Variants in CCNB1IP1 observed in about 807,000 individuals in gnomAD.
CCNB1IP1 encodes cyclin B1 interacting protein 1, also known as E3 ubiquitin-protein ligase CCNB1IP1.
In CCNB1IP1, 14 loss-of-function variants were observed where a neutral mutation model predicts 25.6. That is an observed-to-expected ratio of 0.55 (90% CI 0.36 to 0.85). The LOEUF is 0.85. Among genes scored for constraint, CCNB1IP1 ranks in the 40% least tolerant of loss-of-function variants. The pLI, the probability that CCNB1IP1 is intolerant of heterozygous loss-of-function variation, is 0.01. For synonymous variants in CCNB1IP1, 119 were observed against 116.1 expected (o/e 1.02, Z -0.16); for missense variants, 278 against 342.4 (o/e 0.81, Z 1.48).
At chr14:20,325,386 A>C (rs1335874033) in intron 4 of CCNB1IP1, among the ~76,000 whole-genome samples, 153 bp downstream of exon 4, 3 of 146,630 alleles carry the variant, frequency 2.0e-5, no homozygotes, top group African/African-American at 7.7e-5. Context: ...CCGCCACTGC[A>C]CTCCAGCCTG....
At chr14:20,317,866 C>T (rs776102601) in intron 4 of CCNB1IP1, 1 of 152,274 alleles carries the variant, frequency 6.6e-6, no homozygotes, top group Non-Finnish European at 1.5e-5. Flanking sequence ...TTCCAGGATT[C>T]TCTGCGAGCG....
chr14:20,325,213 A>G (rs1437332187), intron 4 of CCNB1IP1, among the ~76,000 whole-genome samples: 2 of 150,780 alleles, frequency 1.3e-5, no homozygotes, highest in African/African-American at 4.8e-5. Context: ...CGAGGTCAGG[A>G]GATCGAGACC....
Position 20,311,465 on chromosome 14 carries a change from G to T in CCNB1IP1, c.*85C>A. 8.8e-7 allele frequency: 1 copy of T among 1,136,072 alleles called. No homozygotes were observed. Among genetic ancestry groups the T allele is most frequent in the Non-Finnish European group, 1.3e-6 (1 of 753,202 alleles). The allele number at this position is 1,136,072 out of a possible 1,614,324, so 70.4% of individuals were successfully genotyped here. On this transcript the variant is annotated 3_prime_UTR_variant, in exon 7 of 7. Transcript: ENST00000358932. ...AGTGGCATGATCTTAGATCACTAAA[G>T]CCTCAGACTCCTGGGCTCAAGTGAT...
Position 20,317,053 on chromosome 14 carries a change from G to C in CCNB1IP1, c.-37-493C>G, listed in dbSNP as rs560481134. ...GAATCCGGGAGGCAGAGGTTGCAGT[G>C]AAGTGAGATCGCATCACTGCACTCC... is the stretch of plus-strand genomic sequence containing the variant. On this transcript the variant is annotated intron_variant, in intron 4 of 6. Coordinates refer to ENST00000358932, the MANE Select transcript of CCNB1IP1 (RefSeq NM_021178.5). Among the ~76,000 whole-genome samples, 295 of 152,216 alleles carry C rather than the reference G, an allele frequency of 1.9e-3. 1 individual carries two copies. Among genetic ancestry groups the C allele is most frequent in the African/African-American group, 6.7e-3 (277 of 41,512 alleles).
In CCNB1IP1 at chr14:20,313,621, T is replaced by G; in HGVS notation, c.478A>C (p.Ile160Leu). Residue 160 changes from isoleucine to leucine, a missense_variant, in exon 6 of 7, where the codon ATC (isoleucine) becomes CTC (leucine). Transcript: ENST00000358932. ...LEEYKKKFSD[I>L]SEKLMERNRQ... Reference sequence around the variant, plus strand: ...TTGCGCTCCATAAGTTTCTCAGAGATGTCACTGAACTTTTTCTTGTATTCT... The same window carrying G: ...TTGCGCTCCATAAGTTTCTCAGAGAGGTCACTGAACTTTTTCTTGTATTCT... The G allele has an allele frequency of 3.1e-6, 5 of 1,614,216 alleles. No homozygotes were observed. Among genetic ancestry groups the G allele is most frequent in the Non-Finnish European group, 4.2e-6 (5 of 1,180,026 alleles).
Position 20,316,516 on chromosome 14 carries a change from A to G in CCNB1IP1, c.8T>C (p.Leu3Ser). 1 of 1,606,180 alleles carries G rather than the reference A, an allele frequency of 6.2e-7. No individual in the cohort carries two copies. The highest frequency in any genetic ancestry group is 2.2e-5 in the East Asian group (1 of 44,866). Residue 3 changes from leucine to serine, a missense_variant, in exon 5 of 7, where the codon TTG (leucine) becomes TCG (serine). Transcript: ENST00000358932. MS[L>S]CEDMLLCNYR... ...ATTACAAAGCAGCATGTCTTCACACAAAGACATAATAGGATAGTGAGGTCT... is the reference window on the plus strand; with the variant it reads ...ATTACAAAGCAGCATGTCTTCACACGAAGACATAATAGGATAGTGAGGTCT...
chr14:20,315,695 C>T, intron 5 of CCNB1IP1: 1 of 1,222,862 alleles, frequency 8.2e-7, no homozygotes, highest in Non-Finnish European at 1.1e-6. Context: ...ATTTTAATAA[C>T]TTGGAAATAA....
At chr14:20,325,404 G>T (rs1338875496) in intron 4 of CCNB1IP1, 135 bp downstream of exon 4, 2 of 133,768 alleles carry the variant, frequency 1.5e-5, no homozygotes, top group African/African-American at 6.0e-5. Flanking sequence ...CTGGGCGACA[G>T]AGCAAGACTC....
intron 4 of CCNB1IP1, among the ~76,000 whole-genome samples, chr14:20,322,901 G>C (rs1244943335): frequency 6.6e-6 from 1 of 152,052 alleles, no homozygotes; most frequent in African/African-American, 2.4e-5. Flanking sequence ...GGGATTATAG[G>C]TGTGAGCCAC....
intron 6 of CCNB1IP1, among the ~76,000 whole-genome samples, chr14:20,312,243 A>G (rs966500598): frequency 7.9e-5 from 12 of 152,228 alleles, no homozygotes; most frequent in African/African-American, 2.9e-4. Flanking sequence ...ACAAAAAAAT[A>G]AGTATATCTA....
chr14:20,324,667 A>T (rs897734673), intron 4 of CCNB1IP1, among the ~76,000 whole-genome samples: 5 of 152,192 alleles, frequency 3.3e-5, no homozygotes, highest in Non-Finnish European at 1.5e-5. Flanking sequence ...CCTGAGTCAA[A>T]TACTATTGCC....
Position 20,313,352 on chromosome 14 carries a change from C to T in CCNB1IP1, c.631+116G>A, listed in dbSNP as rs577025680. 5.6e-5 allele frequency: 42 copies of T among 753,824 alleles called. No individual in the cohort carries two copies. In the South Asian group the frequency reaches 1.1e-3, roughly 19 times the overall value. 46.7% of individuals were successfully genotyped at this position (753,824 alleles called of 1,614,324 possible). A position where few individuals can be genotyped will look rare whatever the true frequency, so the allele number is the denominator to read the frequency against. Reference sequence around the variant, plus strand: ...CATGGGTGAAGAATTCAGAGCCTACCACAACTCAATGCTTGTCTTATCCTT... The same window carrying T: ...CATGGGTGAAGAATTCAGAGCCTACTACAACTCAATGCTTGTCTTATCCTT... On this transcript the variant is annotated intron_variant, in intron 6 of 6. Coordinates refer to ENST00000358932, the MANE Select transcript of CCNB1IP1 (RefSeq NM_021178.5).
intron 2 of CCNB1IP1, among the ~76,000 whole-genome samples, chr14:20,327,130 C>T (rs1883101045): frequency 6.6e-6 from 1 of 151,990 alleles, no homozygotes; most frequent in South Asian, 2.1e-4. Context: ...AGCAGGACCC[C>T]TACACAAGCT....
intron 4 of CCNB1IP1, among the ~76,000 whole-genome samples, chr14:20,321,725 C>G (rs548054996): frequency 6.6e-6 from 1 of 152,102 alleles, no homozygotes; most frequent in Non-Finnish European, 1.5e-5. Context: ...GTGCTGGGAT[C>G]ATCGGCGTGA....
chr14:20,313,540 T>G lies in CCNB1IP1; in HGVS notation c.559A>C (p.Thr187Pro). ...LYDSLRLRNI[T>P]IANHEGTLEP... is the part of the protein sequence containing the mutation. ...AGGGTGCCTTCATGGTTAGCAATAG[T>G]GATGTTTCGTAGCCTAAGGCTATCA... Residue 187 changes from threonine to proline, a missense_variant, in exon 6 of 7, where the codon ACT becomes CCT. Transcript: ENST00000358932. 6.2e-7 allele frequency: 1 copy of G among 1,614,134 alleles called. No individual in the cohort carries two copies. The highest frequency in any genetic ancestry group is 8.5e-7 in the Non-Finnish European group (1 of 1,180,008).
chr14:20,312,979 G>A (rs374850905), intron 6 of CCNB1IP1, among the ~76,000 whole-genome samples: 6 of 152,076 alleles, frequency 3.9e-5, no homozygotes, highest in East Asian at 1.9e-4. Context: ...TGGCCTTCTT[G>A]GAGGATAGCA....
chr14:20,330,131 C>G (rs1464011042), intron 1 of CCNB1IP1, among the ~76,000 whole-genome samples: 2 of 148,826 alleles, frequency 1.3e-5, no homozygotes, highest in East Asian at 3.9e-4. Context: ...AAAAACATGT[C>G]CTTTGCAGCA....
chr14:20,327,742 T>C (rs1439471740), intron 2 of CCNB1IP1, among the ~76,000 whole-genome samples: 3 of 152,020 alleles, frequency 2.0e-5, no homozygotes, highest in Admixed American at 1.3e-4. Flanking sequence ...TAACCTCAGA[T>C]ACAATCTAGC....
intron 4 of CCNB1IP1, among the ~76,000 whole-genome samples, chr14:20,319,336 C>A (rs2138854918): frequency 6.6e-6 from 1 of 152,210 alleles, no homozygotes; most frequent in South Asian, 2.1e-4. Flanking sequence ...TTGGTATAAA[C>A]CAGTTCCAAA....
Sources: gnomAD v4.1 joint callset for allele counts (sites outside exome capture counted in the v4.1 genomes callset) on GRCh38, gnomAD v4.1.1 for gene constraint, MANE v1.5 for transcripts, NCBI Gene and HGNC (gene_info 2026-07-23, HGNC 2026-07-21) for gene names.